The following ARHGEF4 variants were observed in gnomAD, a reference collection of about 807,000 sequenced individuals.
ARHGEF4 encodes the protein Rho guanine nucleotide exchange factor 4.
Under a neutral mutation model 162.0 loss-of-function variants are expected in ARHGEF4, and 119 were observed. The observed-to-expected ratio is 0.73, with a 90% CI of 0.63 to 0.86. The LOEUF is 0.86. ARHGEF4 is among the 40% of genes least tolerant of loss of function. The pLI is 0.00. For missense variants in ARHGEF4, 2,488 were observed against 2,456.0 expected (o/e 1.01, Z -0.28); for synonymous variants, 1,014 against 979.9 (o/e 1.03, Z -0.65).
At chr2:130,887,686 T>A (rs942140032) in intron 1 of ARHGEF4, among the ~76,000 whole-genome samples, 1 of 152,142 alleles carries the variant, frequency 6.6e-6, no homozygotes, top group Admixed American at 6.5e-5. Context: ...GTGTCCATTT[T>A]AGCAGTTTAT....
At chr2:131,025,113 A>C (rs1689394547) in intron 4 of ARHGEF4, among the ~76,000 whole-genome samples, 2 of 152,140 alleles carry the variant, frequency 1.3e-5, no homozygotes, top group African/African-American at 2.4e-5. Flanking sequence ...AAAGAGGTTT[A>C]ATTGGCTCAC....
At chr2:130,843,181 C>G (rs1179088829) in intron 1 of ARHGEF4, among the ~76,000 whole-genome samples, 1 of 152,214 alleles carries the variant, frequency 6.6e-6, no homozygotes, top group Admixed American at 6.5e-5. Flanking sequence ...ACGGGGCAGC[C>G]AATACCCACT....
At chr2:130,969,969 G>GT (rs1289800008) in intron 4 of ARHGEF4, among the ~76,000 whole-genome samples, 3 of 152,116 alleles carry the variant, frequency 2.0e-5, no homozygotes, top group Non-Finnish European at 4.4e-5. Flanking sequence ...TTATCCTTAG[G>GT]TTTTTTCCTC....
chr2:130,919,026 G>A (rs1010473485), intron 2 of ARHGEF4, among the ~76,000 whole-genome samples: 1 of 152,190 alleles, frequency 6.6e-6, no homozygotes, highest in African/African-American at 2.4e-5. Flanking sequence ...GCAGTTTGGG[G>A]AGAGGGAATT....
Position 130,914,684 on chromosome 2 carries a change from C to T in ARHGEF4, c.738C>T (p.Asn246=), listed in dbSNP as rs1027499230. Residue 246 remains asparagine, a synonymous_variant, in exon 2 of 14, where the codon AAC becomes AAT. Transcript: ENST00000409359. ...GTCGGAGTTGGCCACATATCCACAA[C>T]AGGGCCAGGGCACTGGTGCTACCTA... is the stretch of plus-strand genomic sequence containing the variant. ...ELGRSWPHIH[N]RARALVLPSR... The T allele has an allele frequency of 2.2e-6, 3 of 1,393,828 alleles. No homozygotes were observed. The African/African-American group carries it at 4.3e-5, about 20-fold the overall frequency. The allele number at this position is 1,393,828 out of a possible 1,614,324, so 86.3% of individuals were successfully genotyped here. A position where few individuals can be genotyped will look rare whatever the true frequency, so the allele number is the denominator to read the frequency against.
chr2:130,845,615 A>G (rs1255327855), intron 1 of ARHGEF4, among the ~76,000 whole-genome samples: 1 of 152,084 alleles, frequency 6.6e-6, no homozygotes, highest in Non-Finnish European at 1.5e-5. Flanking sequence ...GTGTTTTTAC[A>G]GAGGCATGCT....
intron 4 of ARHGEF4, among the ~76,000 whole-genome samples, chr2:130,947,643 A>T (rs75663996): frequency 0.01 from 1,582 of 152,288 alleles, 30 homozygotes; most frequent in African/African-American, 0.037. Context: ...AGCAAATAGC[A>T]TCACATCACA....
At chr2:130,960,365 AATACT>A (rs941144088) in intron 4 of ARHGEF4, among the ~76,000 whole-genome samples, 4 of 152,210 alleles carry the variant, frequency 2.6e-5, no homozygotes, top group African/African-American at 9.6e-5. Flanking sequence ...TAGATATAAG[AATACT>A]TACCATTGTG....
chr2:130,942,913 T>C (rs1250901859), intron 3 of ARHGEF4, among the ~76,000 whole-genome samples: 1 of 152,188 alleles, frequency 6.6e-6, no homozygotes, highest in Non-Finnish European at 1.5e-5. Context: ...TAATGGGTAT[T>C]CTGCTATTGT....
chr2:130,955,407 G>A (rs1047707443), intron 4 of ARHGEF4, among the ~76,000 whole-genome samples: 5 of 152,026 alleles, frequency 3.3e-5, no homozygotes, highest in South Asian at 4.2e-4. Flanking sequence ...TCTGAGAACC[G>A]CTCCCCCACT....
intron 4 of ARHGEF4, among the ~76,000 whole-genome samples, chr2:131,001,051 T>G (rs1294903369): frequency 6.6e-6 from 1 of 152,082 alleles, no homozygotes; most frequent in Admixed American, 6.6e-5. Flanking sequence ...ACACCTGTGA[T>G]CCCAGCACTT....
In ARHGEF4 at chr2:130,993,116, GCT is replaced by G. The variant is rs1687155066; in HGVS notation, c.3986-34824_3986-34823del. Among the ~76,000 whole-genome samples, 3 of 152,216 alleles carry G rather than the reference GCT, an allele frequency of 2.0e-5. No individual in the cohort carries two copies. The South Asian group carries it at 6.2e-4, about 32-fold the overall frequency. On this transcript the variant is annotated intron_variant, in intron 4 of 13. Coordinates refer to ENST00000409359, the MANE Select transcript of ARHGEF4 (RefSeq NM_001367493.1). ...CAAAACAAAAATAGACATCAAGGCTGCTCTCTTTTCCAGTACAAGCCTAAGGC... is the reference window on the plus strand; with the variant it reads ...CAAAACAAAAATAGACATCAAGGCTGCTCTTTTCCAGTACAAGCCTAAGGC...
intron 3 of ARHGEF4, among the ~76,000 whole-genome samples, chr2:130,935,165 C>A (rs62178893): frequency 2.8e-5 from 1 of 35,768 alleles, no homozygotes; most frequent in Non-Finnish European, 1.5e-4. Flanking sequence ...TCTATTTATT[C>A]ATTTATTTAT....
chr2:130,841,030 G>A (rs564335765), intron 1 of ARHGEF4, among the ~76,000 whole-genome samples: 1 of 152,290 alleles, frequency 6.6e-6, no homozygotes, highest in Non-Finnish European at 1.5e-5. Flanking sequence ...AGGCACTCAT[G>A]GTAGACTCCT....
At chr2:130,917,720 T>C (rs1445633861) in intron 2 of ARHGEF4, among the ~76,000 whole-genome samples, 2 of 152,066 alleles carry the variant, frequency 1.3e-5, no homozygotes, top group African/African-American at 4.8e-5. Flanking sequence ...TTCATGATCA[T>C]TTCGTGTTTT....
intron 1 of ARHGEF4, among the ~76,000 whole-genome samples, chr2:130,848,444 G>A (rs765237647): frequency 4.2e-4 from 64 of 152,320 alleles, no homozygotes; most frequent in Non-Finnish European, 8.8e-5. Context: ...AGGGGCTTCC[G>A]AGCCCTCTGG....
intron 4 of ARHGEF4, among the ~76,000 whole-genome samples, chr2:131,014,970 G>C (rs566569823): frequency 2.6e-5 from 4 of 152,128 alleles, no homozygotes; most frequent in Non-Finnish European, 5.9e-5. Flanking sequence ...CCCTGGCTGC[G>C]GGTTGCCTGA....
chr2:131,041,972 C>T (rs772226167), intron 10 of ARHGEF4, 28 bp downstream of exon 10: 5 of 1,606,356 alleles, frequency 3.1e-6, no homozygotes, highest in Admixed American at 3.4e-5. Context: ...CAGAAAATTC[C>T]AGGAGGTCTT....
chr2:131,038,997 G>A lies in ARHGEF4; in HGVS notation c.4270G>A (p.Asp1424Asn), dbSNP rs759872047. ...AGAGTGGTGGTGGGGCCGGGTCGCC[G>A]ATGGCGAGGGCTGGTTTCCAGCCAG... The part of the protein sequence containing the change: ...NREWWWGRVA[D>N]GEGWFPASFV... The change falls in exon 6 of 14, where the codon GAT becomes AAT. Residue 1424 changes from aspartate (D) to asparagine (N), a missense_variant. This residue lies in a region of ARHGEF4 where 174 missense variants were observed against 148.3 expected (regional missense o/e 1.17). Transcript: ENST00000409359. 6.6e-5 allele frequency: 107 copies of A among 1,613,260 alleles called. No homozygotes were observed. The highest frequency in any genetic ancestry group is 1.1e-4 in the East Asian group (5 of 44,878).
Sources: allele counts gnomAD v4.1 joint callset (sites outside exome capture counted in the v4.1 genomes callset), GRCh38; gene constraint gnomAD v4.1.1; regional missense constraint gnomAD v4.1.1; transcripts MANE v1.5; gene names NCBI Gene and HGNC (gene_info 2026-07-23, HGNC 2026-07-21).